Variants in BOK observed in about 807,000 individuals in gnomAD.
The protein encoded by BOK is BCL2 family apoptosis regulator BOK.
Under a neutral mutation model 18.3 loss-of-function variants are expected in BOK, and 20 were observed. The ratio of observed to expected loss-of-function variants is 1.09; its 90% CI spans 0.77 to 1.59. The LOEUF is 1.59. Among genes scored for constraint, BOK ranks in the 40% most tolerant of loss-of-function variants. BOK has a pLI of 0.00. For synonymous variants in BOK, 173 were observed against 142.4 expected, an observed-to-expected ratio of 1.21 and a Z score of -1.53; for missense variants, 348 against 307.9, an observed-to-expected ratio of 1.13 and a Z score of -0.97.
chr2:241,562,243 C>T lies in BOK; in HGVS notation c.221-105C>T. 7.1e-7 allele frequency: 1 copy of T among 1,401,422 alleles called. No homozygotes were observed. The highest frequency in any genetic ancestry group is 1.4e-5 in the South Asian group (1 of 71,112). The allele number at this position is 1,401,422 out of a possible 1,614,324, so 86.8% of individuals were successfully genotyped here. Reference sequence around the variant, plus strand: ...GACAAGTGAGGAACAGGCTGGAATTCAAGCATGGTCAGGTGGGGGTCAGGT... The same window carrying T: ...GACAAGTGAGGAACAGGCTGGAATTTAAGCATGGTCAGGTGGGGGTCAGGT... On this transcript the variant is annotated intron_variant, in intron 2 of 4. Transcript: ENST00000318407. The surrounding 1 kb of genome is among the most constrained non-coding windows in gnomAD (Gnocchi z 4.5).
chr2:241,566,349 G>A (rs2066613418), intron 3 of BOK, among the ~76,000 whole-genome samples: 1 of 150,042 alleles, frequency 6.7e-6, no homozygotes, highest in African/African-American at 2.5e-5. Flanking sequence ...CCAGGCTGGA[G>A]GTGCAATGGT....
rs757085403 is a variant in BOK at position 241,562,369 on chromosome 2, G to A, written c.242G>A (p.Arg81Gln). The A allele has an allele frequency of 2.0e-5, 32 of 1,608,906 alleles. No individual in the cohort carries two copies. Among genetic ancestry groups the A allele is most frequent in the Middle Eastern group, 3.3e-4 (2 of 6,062 alleles). ...ACAGGCGATGAGCTGGAGATGATCCGGCCCAGCGTCTACCGCAACGTGGCG... is the reference window on the plus strand; with the variant it reads ...ACAGGCGATGAGCTGGAGATGATCCAGCCCAGCGTCTACCGCAACGTGGCG... ...LRLGDELEMIRPSVYRNVARQ... is the reference protein window; with the variant it reads ...LRLGDELEMIQPSVYRNVARQ... Residue 81 changes from arginine to glutamine, a missense_variant, in exon 3 of 5, where the codon CGG (arginine) becomes CAG (glutamine). Coordinates refer to ENST00000318407, the MANE Select transcript of BOK (RefSeq NM_032515.5). This position sits in a 1 kb window ranked among gnomAD's most constrained non-coding sequence, Gnocchi z 4.5.
chr2:241,560,037 G>A (rs2066503099), intron 2 of BOK: 40 of 977,834 alleles, frequency 4.1e-5, no homozygotes, highest in Non-Finnish European at 4.7e-5. Flanking sequence ...CCCTTTGTAG[G>A]AGCACGTGTC....
chr2:241,565,947 T>A lies in BOK; in HGVS notation c.349+3471T>A, dbSNP rs538448317. Among the ~76,000 whole-genome samples the A allele has an allele frequency of 8.5e-5, 13 of 152,282 alleles. No homozygotes were observed. The East Asian group carries it at 2.5e-3, about 29-fold the overall frequency. The stretch of plus-strand genomic sequence containing the variant: ...TTGAATTGTATTTTCTATAAATACA[T>A]ATGTAATTTTATATAATTCTTCTAA... On this transcript the variant is annotated intron_variant, in intron 3 of 4. Coordinates refer to ENST00000318407, the MANE Select transcript of BOK (RefSeq NM_032515.5).
At chr2:241,557,357 G>A (rs1327384096), upstream of BOK, among the ~76,000 whole-genome samples, 2 of 141,030 alleles carry the variant, frequency 1.4e-5, no homozygotes, top group South Asian at 4.5e-4. Flanking sequence ...TGTCCAGGCT[G>A]GAGTGCAGGT....
upstream of BOK, among the ~76,000 whole-genome samples, chr2:241,558,066 C>T (rs568529973): frequency 3.3e-5 from 5 of 151,932 alleles, no homozygotes; most frequent in Non-Finnish European, 7.4e-5. Context: ...CACACACACA[C>T]ACACACACAC....
intron 3 of BOK, among the ~76,000 whole-genome samples, chr2:241,564,460 G>T (rs915700038): frequency 3.3e-5 from 5 of 151,986 alleles, no homozygotes; most frequent in Admixed American, 2.0e-4. Context: ...AGCTGAGGGT[G>T]GGGGGCCGGG....
intron 3 of BOK, among the ~76,000 whole-genome samples, chr2:241,566,455 C>T (rs963983197): frequency 3.6e-4 from 54 of 151,594 alleles, no homozygotes; most frequent in African/African-American, 1.2e-3. Flanking sequence ...TGTGCCACCA[C>T]GCCTAGCTAA....
chr2:241,562,576 GCGC>G lies in BOK; in HGVS notation c.349+101_349+103del. ...CACGAGCTGGCCCCCACCCATCCTG[GCGC>G]TGCCCAGTGCCCACCGGTGCCATCT... On this transcript the variant is annotated intron_variant, in intron 3 of 4. Coordinates refer to ENST00000318407, the MANE Select transcript of BOK (RefSeq NM_032515.5). The surrounding 1 kb of genome is among the most constrained non-coding windows in gnomAD (Gnocchi z 4.5). 1 of 1,431,528 alleles carries G rather than the reference GCGC, an allele frequency of 7.0e-7. No homozygotes were observed. The allele number at this position is 1,431,528 out of a possible 1,614,324, so 88.7% of individuals were successfully genotyped here. A position where few individuals can be genotyped will look rare whatever the true frequency, so the allele number is the denominator to read the frequency against.
intron 3 of BOK, among the ~76,000 whole-genome samples, chr2:241,569,094 A>T (rs1281643051): frequency 6.6e-6 from 1 of 152,202 alleles, no homozygotes; most frequent in African/African-American, 2.4e-5. Context: ...AAGGCTGTGC[A>T]GTGGCCTGAA....
Position 241,570,112 on chromosome 2 carries a change from T to C in BOK, c.350-13T>C. 1 of 1,608,066 alleles carries C rather than the reference T, an allele frequency of 6.2e-7. No individual in the cohort carries two copies. The highest frequency in any genetic ancestry group is 8.5e-7 in the Non-Finnish European group (1 of 1,178,322). On this transcript the variant is annotated splice_polypyrimidine_tract_variant and intron_variant, in intron 3 of 4. Transcript: ENST00000318407. ...GATTCAAGTCCTGATCTTGACCATC[T>C]CTCTCCCTGCAGGCATCACGTGGGG...
chr2:241,572,559 T>C lies in BOK; in HGVS notation c.*137T>C. The C allele has an allele frequency of 7.5e-7, 1 of 1,341,028 alleles. No individual in the cohort carries two copies. The highest frequency in any genetic ancestry group is 1.0e-6 in the Non-Finnish European group (1 of 997,854). 83.1% of individuals were successfully genotyped at this position (1,341,028 alleles called of 1,614,324 possible). A position where few individuals can be genotyped will look rare whatever the true frequency, so the allele number is the denominator to read the frequency against. ...TCGGAGACCCCCTAAGCCCCGTTCCTCCGCAGACCCAGGCCCTCCGGAAGG... is the reference window on the plus strand; with the variant it reads ...TCGGAGACCCCCTAAGCCCCGTTCCCCCGCAGACCCAGGCCCTCCGGAAGG... On this transcript the variant is annotated 3_prime_UTR_variant, in exon 5 of 5. Transcript: ENST00000318407.
intron 2 of BOK, among the ~76,000 whole-genome samples, chr2:241,561,956 C>T (rs1009793864): frequency 1.3e-5 from 2 of 152,258 alleles, no homozygotes; most frequent in Non-Finnish European, 2.9e-5. Context: ...CCCCTCCCCA[C>T]GTCGGGGTCT....
chr2:241,554,027 A>T (rs2066433252), upstream of BOK, among the ~76,000 whole-genome samples: 1 of 152,140 alleles, frequency 6.6e-6, no homozygotes, highest in Non-Finnish European at 1.5e-5. Flanking sequence ...TGAGATTTGC[A>T]GCCGGCCAGG....
intron 1 of BOK, 28 bp from the exon 2 acceptor site, chr2:241,559,427 C>T: frequency 7.6e-7 from 1 of 1,311,042 alleles, no homozygotes; most frequent in African/African-American, 1.5e-5. Context: ...CCGCCTCCCT[C>T]CACCCGGCTG....
intron 3 of BOK, among the ~76,000 whole-genome samples, chr2:241,568,969 G>A (rs545958928): frequency 6.6e-6 from 1 of 150,890 alleles, no homozygotes; most frequent in African/African-American, 2.5e-5. Flanking sequence ...GACCACTGCT[G>A]ACTCCCTCCG....
upstream of BOK, among the ~76,000 whole-genome samples, chr2:241,556,058 C>G (rs755917439): frequency 2.6e-5 from 4 of 152,202 alleles, no homozygotes; most frequent in Admixed American, 2.0e-4. Context: ...CCCAGTCTTG[C>G]AGTGACTCCT....
At chr2:241,572,263 T>G in intron 4 of BOK, 34 bp from the exon 5 acceptor site, 1 of 1,602,140 alleles carries the variant, frequency 6.2e-7, no homozygotes, top group Middle Eastern at 1.7e-4. Flanking sequence ...CGGTGCTGGC[T>G]CTGCTTTCTA....
At chr2:241,552,709 A>G (rs937114628) in intron 1 of BOK, among the ~76,000 whole-genome samples, 4 of 152,170 alleles carry the variant, frequency 2.6e-5, no homozygotes, top group Non-Finnish European at 1.5e-5. Context: ...GCTGACACCC[A>G]TGACAAGCTC....
Sources: gnomAD v4.1 joint callset for allele counts (sites outside exome capture counted in the v4.1 genomes callset) on GRCh38, gnomAD v4.1.1 for gene constraint, Gnocchi (gnomAD v3.1) non-coding constraint, MANE v1.5 for transcripts, NCBI Gene and HGNC (gene_info 2026-07-23, HGNC 2026-07-21) for gene names.